Variants in PSMA5 observed in about 807,000 individuals in gnomAD.
PSMA5 encodes proteasome subunit alpha type-5.
PSMA5 carries 3 observed loss-of-function variants against 34.5 expected under a neutral mutation model. The observed-to-expected ratio is 0.09, with a 90% confidence interval of 0.04 to 0.22. The LOEUF (loss-of-function observed/expected upper bound fraction) is 0.22, where lower values mean the gene tolerates loss of function less well. PSMA5 is among the 10% of genes least tolerant of loss of function. PSMA5 has a pLI of 1.00. For missense variants in PSMA5, 120 were observed against 286.1 expected (o/e 0.42, Z 4.19); for synonymous variants, 88 against 95.8 (o/e 0.92, Z 0.47).
intron 1 of PSMA5, among the ~76,000 whole-genome samples, chr1:109,424,962 G>C (rs559361206): frequency 7.1e-6 from 1 of 140,088 alleles, no homozygotes; most frequent in East Asian, 1.9e-4. Flanking sequence ...ACTGCAGCCT[G>C]GCGACAGAGC....
intron 1 of PSMA5, 131 bp downstream of exon 1, chr1:109,426,171 A>G (rs1029938178): frequency 9.4e-6 from 12 of 1,281,272 alleles, no homozygotes; most frequent in Non-Finnish European, 1.2e-5. Context: ...TGAGGAGGGC[A>G]TAACATCCCC....
At chr1:109,410,089 T>C (rs548825066) in intron 7 of PSMA5, 75 bp from the exon 8 acceptor site, 1 of 981,934 alleles carries the variant, frequency 1.0e-6, no homozygotes, top group East Asian at 2.5e-5. Flanking sequence ...TTTCCCTTTA[T>C]CTCACTGAAA....
intron 8 of PSMA5, among the ~76,000 whole-genome samples, chr1:109,409,505 G>A (rs10776806): frequency 0.7 from 106,408 of 152,212 alleles, 37,746 homozygotes; most frequent in East Asian, 0.96. Context: ...CCACTTTACT[G>A]AAGCTGCTTA....
chr1:109,414,788 T>C (rs182461641), intron 3 of PSMA5: 339 of 153,250 alleles, frequency 2.2e-3, no homozygotes, highest in Non-Finnish European at 3.9e-3. Context: ...AATGCCATTC[T>C]ATAAATAAGT....
chr1:109,409,758 A>T (rs946502900), intron 8 of PSMA5, among the ~76,000 whole-genome samples, 170 bp downstream of exon 8: 5 of 152,116 alleles, frequency 3.3e-5, no homozygotes, highest in Non-Finnish European at 5.9e-5. Context: ...TAAAAAAATT[A>T]AAAAACATTA....
chr1:109,408,659 C>A (rs1033798858), intron 8 of PSMA5, among the ~76,000 whole-genome samples: 2 of 151,988 alleles, frequency 1.3e-5, no homozygotes, highest in East Asian at 3.9e-4. Flanking sequence ...ATAACTTTTC[C>A]ATCACTATCC....
At chr1:109,423,084 T>C (rs1654512663) in intron 1 of PSMA5, among the ~76,000 whole-genome samples, 1 of 152,148 alleles carries the variant, frequency 6.6e-6, no homozygotes, top group Admixed American at 6.5e-5. Context: ...AACAAATGAA[T>C]GAGATGGTTG....
intron 2 of PSMA5, among the ~76,000 whole-genome samples, chr1:109,421,052 G>A (rs1207614640): frequency 6.6e-6 from 1 of 151,412 alleles, no homozygotes; most frequent in Non-Finnish European, 1.5e-5. Context: ...AGCCAGGCAT[G>A]GTGCACACAT....
rs1654660019 is a variant in PSMA5 at position 109,426,344 on chromosome 1, G to A, written c.-14C>T. 2 of 1,614,114 alleles carry A rather than the reference G, an allele frequency of 1.2e-6. No homozygotes were observed. The highest frequency in any genetic ancestry group is 1.7e-6 in the Non-Finnish European group (2 of 1,180,004). ...GGTAAGAAACATGGCGAGGGTAGGAGGAGGCAGCGGCTACGCGGGGATTCT... is the reference window on the plus strand; with the variant it reads ...GGTAAGAAACATGGCGAGGGTAGGAAGAGGCAGCGGCTACGCGGGGATTCT... On this transcript the variant is annotated 5_prime_UTR_variant, in exon 1 of 9. Transcript: ENST00000271308.
rs540108374 is a variant in PSMA5 at position 109,399,684 on chromosome 1, A to G, written c.*2329T>C. The G allele has an allele frequency of 4.0e-4, 61 of 152,346 alleles. No individual in the cohort carries two copies. The highest frequency in any genetic ancestry group is 1.4e-3 in the African/African-American group (59 of 41,562). 9.4% of individuals were successfully genotyped at this position (152,346 alleles called of 1,614,324 possible). A position where few individuals can be genotyped will look rare whatever the true frequency, so the allele number is the denominator to read the frequency against. ...ACAGTACTTATATATTTCCTTCTTC[A>G]AACTGTATCAGCTTCTGGGACATGG... On this transcript the variant is annotated 3_prime_UTR_variant, in exon 9 of 9. Transcript: ENST00000271308.
intron 8 of PSMA5, among the ~76,000 whole-genome samples, chr1:109,407,933 C>G (rs189127220): frequency 4.6e-5 from 7 of 152,280 alleles, no homozygotes; most frequent in African/African-American, 1.4e-4. Flanking sequence ...GCCTCAACTA[C>G]GATTTTAATA....
At chr1:109,415,450 T>A in intron 2 of PSMA5, 87 bp from the exon 3 acceptor site, 2 of 1,392,828 alleles carry the variant, frequency 1.4e-6, no homozygotes, top group East Asian at 2.4e-5. Flanking sequence ...AATCTTCACA[T>A]GATAGAAACT....
At chr1:109,424,241 T>C (rs542655007) in intron 1 of PSMA5, among the ~76,000 whole-genome samples, 1 of 152,300 alleles carries the variant, frequency 6.6e-6, no homozygotes, top group African/African-American at 2.4e-5. Context: ...GATTTGAATT[T>C]CTCTAATGGC....
intron 2 of PSMA5, among the ~76,000 whole-genome samples, chr1:109,417,424 A>G (rs941608794): frequency 2.0e-5 from 3 of 152,212 alleles, no homozygotes; most frequent in African/African-American, 7.2e-5. Context: ...ATGGAAATGA[A>G]CAAGGAGCTA....
intron 6 of PSMA5, 53 bp from the exon 7 acceptor site, chr1:109,411,166 T>C: frequency 1.6e-6 from 2 of 1,289,682 alleles, no homozygotes; most frequent in Non-Finnish European, 2.2e-6. Context: ...TGGCACTTTA[T>C]GTAACAAACG....
intron 8 of PSMA5, among the ~76,000 whole-genome samples, chr1:109,405,182 T>C (rs976536360): frequency 3.9e-5 from 6 of 152,194 alleles, no homozygotes; most frequent in Admixed American, 1.3e-4. Flanking sequence ...GTATAAGACC[T>C]AAGACCAGAC....
chr1:109,418,919 G>T (rs530528655), intron 2 of PSMA5, among the ~76,000 whole-genome samples: 3 of 152,212 alleles, frequency 2.0e-5, no homozygotes, highest in African/African-American at 7.2e-5. Flanking sequence ...ATTTGGGAGG[G>T]TGAGGCGGGC....
intron 8 of PSMA5, among the ~76,000 whole-genome samples, chr1:109,406,310 C>T (rs1044116283): frequency 1.3e-5 from 2 of 152,052 alleles, no homozygotes; most frequent in African/African-American, 4.8e-5. Context: ...TTGGAGGAGA[C>T]TTGGCAATAA....
At chr1:109,418,054 C>A (rs72983043) in intron 2 of PSMA5, among the ~76,000 whole-genome samples, 2,440 of 151,896 alleles carry the variant, frequency 0.016, 69 homozygotes, top group African/African-American at 0.056. Context: ...CAAAACTTTA[C>A]CTCCACAAAA....
Sources: allele counts gnomAD v4.1 joint callset (sites outside exome capture counted in the v4.1 genomes callset), GRCh38; gene constraint gnomAD v4.1.1; transcripts MANE v1.5; gene names NCBI Gene and HGNC (gene_info 2026-07-23, HGNC 2026-07-21).